Variants in EPB41L1 observed in about 807,000 individuals in gnomAD.
EPB41L1 encodes the protein band 4.1-like protein 1.
In EPB41L1, 29 loss-of-function variants were observed where a neutral mutation model predicts 97.8. The ratio of observed to expected loss-of-function variants is 0.30; its 90% CI spans 0.22 to 0.40. The LOEUF (loss-of-function observed/expected upper bound fraction) is 0.40. Ranked by LOEUF, EPB41L1 falls within the 10% of genes least tolerant of loss-of-function variation. The pLI, the probability that EPB41L1 is intolerant of heterozygous loss-of-function variation, is 1.00. For missense variants in EPB41L1, 812 were observed against 1,162.3 expected (o/e 0.70, Z 4.38); for synonymous variants, 383 against 459.2 (o/e 0.83, Z 2.12).
rs906406950 is a variant in EPB41L1, at chr20:36,172,268, G to A, written c.-14-1496G>A. ...TAATTTTTGTATTTTTAGTAGAGAC[G>A]GGGTTTCACCATGTTGGCCAGGCTA... On this transcript the variant is annotated intron_variant, in intron 1 of 21. Transcript: ENST00000338074. Among the ~76,000 whole-genome samples the A allele has an allele frequency of 1.1e-4, 16 of 152,186 alleles. 1 individual carries two copies. Among genetic ancestry groups the A allele is most frequent in the East Asian group, 3.9e-4 (2 of 5,176 alleles).
intron 1 of EPB41L1, among the ~76,000 whole-genome samples, chr20:36,164,036 G>A (rs2145708026): frequency 6.6e-6 from 1 of 152,250 alleles, no homozygotes; most frequent in South Asian, 2.1e-4. Flanking sequence ...TAGAGACAGG[G>A]TTTCACCTTG....
intron 2 of EPB41L1, among the ~76,000 whole-genome samples, chr20:36,118,698 T>C (rs2058661051): frequency 1.3e-5 from 2 of 152,278 alleles, no homozygotes; most frequent in Admixed American, 6.5e-5. Context: ...TATTAGAGCA[T>C]GCCCTGCACA....
intron 2 of EPB41L1, among the ~76,000 whole-genome samples, chr20:36,120,108 C>T (rs888461180): frequency 2.0e-5 from 3 of 152,144 alleles, no homozygotes; most frequent in Admixed American, 1.3e-4. Flanking sequence ...TAGCACTAAG[C>T]GCTAATAACC....
In EPB41L1 at chr20:36,092,503, C is replaced by T. The variant is rs1186319091; in HGVS notation, c.-65+891C>T. Among the ~76,000 whole-genome samples, 1 of 151,926 alleles carries T rather than the reference C, an allele frequency of 6.6e-6. No homozygotes were observed. Among genetic ancestry groups the T allele is most frequent in the Non-Finnish European group, 1.5e-5 (1 of 67,946 alleles). ...CCCAGCTCCGGCGGCTCCGGCGGCTCCGGCGCTCCCCTGGTGTTGGCTGCT... is the reference window on the plus strand; with the variant it reads ...CCCAGCTCCGGCGGCTCCGGCGGCTTCGGCGCTCCCCTGGTGTTGGCTGCT... On this transcript the variant is annotated intron_variant, in intron 1 of 19. Coordinates refer to the EPB41L1 transcript ENST00000202028. This position sits in a 1 kb window ranked among gnomAD's most constrained non-coding sequence, Gnocchi z 7.0.
intron 5 of EPB41L1, among the ~76,000 whole-genome samples, chr20:36,180,406 C>T (rs1201090176): frequency 6.6e-6 from 1 of 152,206 alleles, no homozygotes; most frequent in African/African-American, 2.4e-5. Context: ...GCTTTCCACC[C>T]CTCTGGGCCC....
intron 2 of EPB41L1, among the ~76,000 whole-genome samples, chr20:36,146,006 G>A (rs1320044813): frequency 6.6e-6 from 1 of 152,084 alleles, no homozygotes; most frequent in African/African-American, 2.4e-5. Context: ...TTGTCCTTCT[G>A]CCCTGCCTTT....
chr20:36,132,570 G>GC (rs1555836948), intron 2 of EPB41L1, among the ~76,000 whole-genome samples: 2 of 124,508 alleles, frequency 1.6e-5, no homozygotes, highest in African/African-American at 3.2e-5. Flanking sequence ...TTGTGGGCGG[G>GC]GGGGGGGGGC....
At chr20:36,189,843 C>T (rs2036427470) in intron 9 of EPB41L1, among the ~76,000 whole-genome samples, 1 of 152,224 alleles carries the variant, frequency 6.6e-6, no homozygotes, top group African/African-American at 2.4e-5. Context: ...AGAGTAAGGG[C>T]TCAATCACCC....
intron 19 of EPB41L1, 28 bp from the exon 20 acceptor site, chr20:36,221,836 G>A (rs1245070508): frequency 1.2e-6 from 2 of 1,611,612 alleles, no homozygotes; most frequent in South Asian, 2.2e-5. Flanking sequence ...GGACCCAAGA[G>A]TGACCTCACC....
chr20:36,197,649 A>T, intron 13 of EPB41L1: 1 of 985,280 alleles, frequency 1.0e-6, no homozygotes, highest in Non-Finnish European at 1.2e-6. Context: ...TTTCATCTTC[A>T]GTGCTCTGTG....
chr20:36,201,356 G>A (rs1014695761), intron 14 of EPB41L1, among the ~76,000 whole-genome samples: 6 of 152,086 alleles, frequency 3.9e-5, no homozygotes, highest in African/African-American at 1.4e-4. Flanking sequence ...CAGGGGTCAT[G>A]CTAGAGGCAG....
At chr20:36,173,662 G>A (rs968326133) in intron 1 of EPB41L1, 102 bp from the exon 2 acceptor site, 37 of 1,045,742 alleles carry the variant, frequency 3.5e-5, no homozygotes, top group African/African-American at 1.9e-4. Flanking sequence ...CTCTTTGTCC[G>A]TTTGCCTCCA....
At chr20:36,227,774 T>G (rs1569397873) in intron 21 of EPB41L1, among the ~76,000 whole-genome samples, 2 of 152,204 alleles carry the variant, frequency 1.3e-5, no homozygotes, top group African/African-American at 4.8e-5. Context: ...CTTCTTGAAG[T>G]TCTTGCTATG....
intron 1 of EPB41L1, among the ~76,000 whole-genome samples, chr20:36,095,099 G>C (rs560839366): frequency 6.6e-6 from 1 of 152,058 alleles, no homozygotes; most frequent in Admixed American, 6.5e-5. Context: ...AGCCTCCCAA[G>C]TAGCTGGGAT....
chr20:36,161,298 T>C (rs2060514132), intron 1 of EPB41L1, among the ~76,000 whole-genome samples: 1 of 152,234 alleles, frequency 6.6e-6, no homozygotes, highest in South Asian at 2.1e-4. Context: ...ACAAGCTTTC[T>C]ACCTTCTCTG....
At chr20:36,155,005 C>A in intron 1 of EPB41L1, 109 bp downstream of exon 1, 1 of 1,036,362 alleles carries the variant, frequency 9.6e-7, no homozygotes, top group Non-Finnish European at 1.3e-6. Context: ...ACTGAGTTTT[C>A]AGGCTGTTGG....
chr20:36,141,663 T>C (rs2059644204), intron 2 of EPB41L1, among the ~76,000 whole-genome samples: 1 of 152,166 alleles, frequency 6.6e-6, no homozygotes, highest in Non-Finnish European at 1.5e-5. Context: ...ATAAATATGT[T>C]TACACATATA....
At chr20:36,109,614 T>C (rs762222475) in intron 1 of EPB41L1, 3 of 151,704 alleles carry the variant, frequency 2.0e-5, no homozygotes, top group Admixed American at 6.6e-5. Context: ...AGGGTGGGAG[T>C]TGGGATGGGG....
rs995855505 is a variant in EPB41L1 at position 36,154,871 on chromosome 20, C to G, written c.-40C>G. 193 of 1,019,098 alleles carry G rather than the reference C, an allele frequency of 1.9e-4. No individual in the cohort carries two copies. In the Admixed American group the frequency reaches 2.6e-3, roughly 13 times the overall value. 63.1% of individuals were successfully genotyped at this position (1,019,098 alleles called of 1,614,324 possible). ...AGGGGGCCGCCCCTCGCCCAACCTG[C>G]CCGACATGGGGAACCCCGGGCCCAG... On this transcript the variant is annotated 5_prime_UTR_variant, in exon 1 of 22. Transcript: ENST00000338074. This position sits in a 1 kb window ranked among gnomAD's most constrained non-coding sequence, Gnocchi z 5.5.
Sources: allele counts gnomAD v4.1 joint callset (sites outside exome capture counted in the v4.1 genomes callset), GRCh38; gene constraint gnomAD v4.1.1; non-coding constraint Gnocchi (gnomAD v3.1); transcripts MANE v1.5; gene names NCBI Gene and HGNC (gene_info 2026-07-23, HGNC 2026-07-21).